Variants in TTLL6 observed in about 807,000 individuals in gnomAD.
TTLL6 encodes the protein tubulin tyrosine ligase like 6, also known as tubulin polyglutamylase TTLL6.
In TTLL6, 75 loss-of-function variants were observed where a neutral mutation model predicts 96.4. That is an observed-to-expected ratio of 0.78 (90% CI 0.65 to 0.94). The LOEUF (loss-of-function observed/expected upper bound fraction) is 0.94. TTLL6 is among the 40% of genes least tolerant of loss of function. The pLI, the probability that TTLL6 is intolerant of heterozygous loss-of-function variation, is 0.00. For missense variants in TTLL6, 1,030 were observed against 1,093.0 expected, an observed-to-expected ratio of 0.94 and a Z score of 0.81; for synonymous variants, 411 against 419.4, an observed-to-expected ratio of 0.98 and a Z score of 0.24.
At chr17:48,781,258 G>C (rs1485261400) in intron 13 of TTLL6, among the ~76,000 whole-genome samples, 1 of 152,076 alleles carries the variant, frequency 6.6e-6, no homozygotes, top group Non-Finnish European at 1.5e-5. Context: ...TGTTGGCCAG[G>C]CTGGTCTTGA....
At chr17:48,807,866 T>C (rs147333322) in intron 1 of TTLL6, among the ~76,000 whole-genome samples, 1 of 151,600 alleles carries the variant, frequency 6.6e-6, no homozygotes, top group East Asian at 1.9e-4. Context: ...TGAGACGGAG[T>C]CTCGCTCAGT....
intron 10 of TTLL6, among the ~76,000 whole-genome samples, chr17:48,788,292 C>G (rs193091863): frequency 6.6e-6 from 1 of 152,320 alleles, no homozygotes; most frequent in East Asian, 1.9e-4. Context: ...TTAGCTCTGA[C>G]TAGGCAGACT....
Position 48,787,866 on chromosome 17 carries a change from T to C in TTLL6, c.1534A>G (p.Asn512Asp). 1.2e-6 allele frequency: 2 copies of C among 1,614,210 alleles called. No individual in the cohort carries two copies. The highest frequency in any genetic ancestry group is 1.7e-6 in the Non-Finnish European group (2 of 1,180,036). The change falls in exon 11 of 16, where the codon AAC becomes GAC. Residue 512 changes from asparagine to aspartate, a missense_variant. Coordinates refer to ENST00000393382, the MANE Select transcript of TTLL6 (RefSeq NM_001130918.3). ...SEKYEKFFQDNNSLFQNTVAS... is the reference protein window; with the variant it reads ...SEKYEKFFQDDNSLFQNTVAS... ...ACAGTATTCTGGAAGAGGGAGTTGT[T>C]GTCCTGGAAAAACTTCTCATACTTC... is the stretch of plus-strand genomic sequence containing the variant.
intron 15 of TTLL6, 126 bp from the exon 16 acceptor site, chr17:48,763,099 T>C: frequency 5.6e-6 from 2 of 355,226 alleles, no homozygotes; most frequent in Non-Finnish European, 1.1e-5. Flanking sequence ...CTTATATCTG[T>C]AGTCACCAGA....
intron 15 of TTLL6, among the ~76,000 whole-genome samples, chr17:48,763,977 AAAAGG>A (rs1331035968): frequency 3.3e-5 from 5 of 151,918 alleles, no homozygotes; most frequent in Non-Finnish European, 7.4e-5. Flanking sequence ...AAAAGAAAAG[AAAAGG>A]AAAGTTAGCC....
At chr17:48,792,811 C>T (rs375121548) in intron 8 of TTLL6, among the ~76,000 whole-genome samples, 1 of 152,150 alleles carries the variant, frequency 6.6e-6, no homozygotes, top group Non-Finnish European at 1.5e-5. Context: ...TTCCAGATCG[C>T]TTTAAGCCAA....
chr17:48,768,036 G>A (rs2038650045), intron 15 of TTLL6, among the ~76,000 whole-genome samples: 1 of 152,156 alleles, frequency 6.6e-6, no homozygotes, highest in Non-Finnish European at 1.5e-5. Flanking sequence ...TGGAAGACAA[G>A]GCAAAGTGCC....
intron 4 of TTLL6, 35 bp from the exon 5 acceptor site, chr17:48,801,420 G>A: frequency 6.4e-7 from 1 of 1,551,394 alleles, no homozygotes; most frequent in Non-Finnish European, 8.7e-7. Context: ...AGCAATCGAG[G>A]GACATGGGAG....
chr17:48,807,150 C>A lies in TTLL6; in HGVS notation c.104-2159G>T, dbSNP rs1326204823. 2.0e-5 allele frequency among the ~76,000 whole-genome samples: 3 copies of A among 151,702 alleles called. No homozygotes were observed. In the East Asian group the frequency reaches 5.8e-4, roughly 29 times the overall value. On this transcript the variant is annotated intron_variant, in intron 1 of 15. Coordinates refer to ENST00000393382, the MANE Select transcript of TTLL6 (RefSeq NM_001130918.3). ...TTGTCCAGGATGGAGTGCAATGGCGCCATCTCGGCTCACTACAACCTCCAC... is the reference window on the plus strand; with the variant it reads ...TTGTCCAGGATGGAGTGCAATGGCGACATCTCGGCTCACTACAACCTCCAC...
chr17:48,807,910 C>T (rs2039527822), intron 1 of TTLL6, among the ~76,000 whole-genome samples: 1 of 152,176 alleles, frequency 6.6e-6, no homozygotes, highest in Non-Finnish European at 1.5e-5. Context: ...GCGGTCTCGG[C>T]TCACTGCAAG....
chr17:48,817,129 G>A lies in TTLL6; in HGVS notation c.-57C>T. 7.3e-7 allele frequency: 1 copy of A among 1,379,156 alleles called. No homozygotes were observed. Among genetic ancestry groups the A allele is most frequent in the Admixed American group, 2.3e-5 (1 of 44,040 alleles). The allele number at this position is 1,379,156 out of a possible 1,614,324, so 85.4% of individuals were successfully genotyped here. On this transcript the variant is annotated 5_prime_UTR_variant, in exon 1 of 16. Coordinates refer to ENST00000393382, the MANE Select transcript of TTLL6 (RefSeq NM_001130918.3). ...GCTCGCCCTAACTTTGGGTCCGCCCGGCCCTCATATTTGCATACGGGGCCT... is the reference window on the plus strand; with the variant it reads ...GCTCGCCCTAACTTTGGGTCCGCCCAGCCCTCATATTTGCATACGGGGCCT...
chr17:48,797,750 T>C (rs190398627), intron 6 of TTLL6, among the ~76,000 whole-genome samples: 1 of 136,110 alleles, frequency 7.3e-6, no homozygotes, highest in African/African-American at 2.8e-5. Context: ...TTCACGCCAC[T>C]TCACTCCAGC....
At position 48,786,262 on chromosome 17, in the gene TTLL6, C is replaced by T. The variant is rs867148389; in HGVS notation, c.1663G>A (p.Gly555Arg). 1 of 1,614,242 alleles carries T rather than the reference C, an allele frequency of 6.2e-7. No individual in the cohort carries two copies. The highest frequency in any genetic ancestry group is 8.5e-7 in the Non-Finnish European group (1 of 1,180,044). Residue 555 changes from glycine (G) to arginine (R), a missense_variant, in exon 12 of 16, where the codon GGG (glycine) becomes AGG (arginine). Physicochemically the swap from Gly to Arg is moderately radical, Grantham distance 125 (BLOSUM62 -2). Transcript: ENST00000393382. ...FQMKKKVEMQ[G>R]ESAGEQVRKK... The stretch of plus-strand genomic sequence containing the variant: ...CTCACTTGCTCGCCTGCCGATTCCC[C>T]CTGCATCTCTACCTTCTTCTTCATT...
At chr17:48,784,038 G>T (rs2039039205) in intron 13 of TTLL6, among the ~76,000 whole-genome samples, 1 of 152,122 alleles carries the variant, frequency 6.6e-6, no homozygotes. Flanking sequence ...TTGCAGTTAT[G>T]ATTAGTCAAA....
chr17:48,790,256 G>C, intron 9 of TTLL6, 150 bp from the exon 10 acceptor site: 1 of 792,876 alleles, frequency 1.3e-6, no homozygotes, highest in South Asian at 1.9e-5. Context: ...ATCTGGACTA[G>C]AGCCACAGTG....
In TTLL6 at chr17:48,785,121, G is replaced by C; in HGVS notation, c.1842C>G (p.Asp614Glu). ...TGGGAGCCTCCTGGTTGAGGCTGCT[G>C]TCTGTTTCATTTTTCCTTTCACCTC... is the stretch of plus-strand genomic sequence containing the variant. Reference protein sequence around the residue: ...SVRGERKNETDSSLNQEAPTE... With the variant: ...SVRGERKNETESSLNQEAPTE... The change falls in exon 13 of 16, where the codon GAC (aspartate) becomes GAG (glutamate). Residue 614 changes from aspartate to glutamate, a missense_variant. Coordinates refer to ENST00000393382, the MANE Select transcript of TTLL6 (RefSeq NM_001130918.3). 6.2e-7 allele frequency: 1 copy of C among 1,614,164 alleles called. No individual in the cohort carries two copies. The highest frequency in any genetic ancestry group is 8.5e-7 in the Non-Finnish European group (1 of 1,180,036).
chr17:48,813,755 T>G (rs1253140497), intron 1 of TTLL6, among the ~76,000 whole-genome samples: 1 of 152,138 alleles, frequency 6.6e-6, no homozygotes, highest in Non-Finnish European at 1.5e-5. Flanking sequence ...AATGTCCACA[T>G]TGTACCAGGG....
rs763618480 is a variant in TTLL6 at position 48,789,980 on chromosome 17, C to T, written c.1351G>A (p.Glu451Lys). 65 of 1,614,074 alleles carry T rather than the reference C, an allele frequency of 4.0e-5. No homozygotes were observed. In the South Asian group the frequency reaches 5.8e-4, roughly 14 times the overall value. The change falls in exon 10 of 16, where the codon GAG becomes AAG. Residue 451 changes from glutamate to lysine, a missense_variant. Coordinates refer to ENST00000393382, the MANE Select transcript of TTLL6 (RefSeq NM_001130918.3). ...TGCAGGAACTGCCCCCGTTGTCTCT[C>T]CTCCTCCAAGACTTTCTTCTTGTCA... The part of the protein sequence containing the change: ...SCDKKKVLEE[E>K]RQRGQFLQQC...
chr17:48,804,061 C>T (rs2039467454), intron 2 of TTLL6, 133 bp from the exon 3 acceptor site: 14 of 1,025,956 alleles, frequency 1.4e-5, no homozygotes, highest in South Asian at 5.8e-5. Context: ...CTGGTTTGAC[C>T]GTCCCTGTTG....
Sources: gnomAD v4.1 joint callset for allele counts (sites outside exome capture counted in the v4.1 genomes callset) on GRCh38, gnomAD v4.1.1 for gene constraint, MANE v1.5 for transcripts, NCBI Gene and HGNC (gene_info 2026-07-23, HGNC 2026-07-21) for gene names.